FANCE: variants seen among roughly 807,000 people sequenced by gnomAD.
FANCE encodes the protein Fanconi anemia group E protein.
In FANCE, 42 loss-of-function variants were observed where a neutral mutation model predicts 57.8. That is an observed-to-expected ratio of 0.73 (90% CI 0.57 to 0.94). The LOEUF is 0.94. Ranked by LOEUF, FANCE falls within the 40% of genes least tolerant of loss-of-function variation. The probability of loss-of-function intolerance (pLI) is 0.00; values close to 1 mark genes in which losing one functional copy is unlikely to be tolerated. For synonymous variants in FANCE, 251 were observed against 286.4 expected, an observed-to-expected ratio of 0.88 and a Z score of 1.25; for missense variants, 608 against 661.8, an observed-to-expected ratio of 0.92 and a Z score of 0.89.
Position 35,452,767 on chromosome 6 carries a change from G to A in FANCE, c.222G>A (p.Val74=). Residue 74 remains valine, a synonymous_variant, in exon 1 of 10, where the codon GTG becomes GTA. Transcript: ENST00000229769. ...LEALCREEPV[V]QGPDGRLELK... ...CCCTGTGCCGGGAGGAGCCGGTCGTGCAGGGGCCTGACGGCCGTCTGGAGC... is the reference window on the plus strand; with the variant it reads ...CCCTGTGCCGGGAGGAGCCGGTCGTACAGGGGCCTGACGGCCGTCTGGAGC... The A allele has an allele frequency of 1.5e-6, 2 of 1,291,626 alleles. No individual in the cohort carries two copies. Among genetic ancestry groups the A allele is most frequent in the Non-Finnish European group, 2.0e-6 (2 of 1,015,330 alleles). The allele number at this position is 1,291,626 out of a possible 1,614,324, so 80.0% of individuals were successfully genotyped here. A position where few individuals can be genotyped will look rare whatever the true frequency, so the allele number is the denominator to read the frequency against.
chr6:35,456,662 G>C lies in FANCE; in HGVS notation c.855+309G>C, dbSNP rs1198759548. ...CCTGAGTAGCTGGGATTATAGGCAT[G>C]CGCCACCACGCCCAGCTAATTTTGT... On this transcript the variant is annotated intron_variant, in intron 2 of 9. Transcript: ENST00000229769. This position sits in a 1 kb window ranked among gnomAD's most constrained non-coding sequence, Gnocchi z 4.3. 7.9e-5 allele frequency among the ~76,000 whole-genome samples: 12 copies of C among 152,176 alleles called. No individual in the cohort carries two copies.
chr6:35,461,391 A>G (rs1459939287), intron 8 of FANCE, among the ~76,000 whole-genome samples: 1 of 152,120 alleles, frequency 6.6e-6, no homozygotes, highest in Non-Finnish European at 1.5e-5. Flanking sequence ...TCTCTTCCCT[A>G]ACCATCCAGA....
At position 35,457,957 on chromosome 6, in the gene FANCE, G is replaced by A; in HGVS notation, c.942G>A (p.Gln314=). 6.2e-7 allele frequency: 1 copy of A among 1,614,168 alleles called. No homozygotes were observed. Among genetic ancestry groups the A allele is most frequent in the Non-Finnish European group, 8.5e-7 (1 of 1,180,026 alleles). Residue 314 remains glutamine (Q), a synonymous_variant, in exon 4 of 10, where the codon CAG becomes CAA. Coordinates refer to ENST00000229769, the MANE Select transcript of FANCE (RefSeq NM_021922.3). Reference sequence around the variant, plus strand: ...AGGATGCCCCCCCAGTTGAGCTACAGCTTCTTCACGAATGTAGTCCCAGCC... The same window carrying A: ...AGGATGCCCCCCCAGTTGAGCTACAACTTCTTCACGAATGTAGTCCCAGCC... ...GLEDAPPVEL[Q]LLHECSPSQM...
At chr6:35,457,483 G>T in intron 2 of FANCE, 73 bp from the exon 3 acceptor site, 14 of 1,553,344 alleles carry the variant, frequency 9.0e-6, no homozygotes, top group Non-Finnish European at 1.2e-5. Context: ...TTTTCAGTAG[G>T]GGGAGCCAGA....
intron 9 of FANCE, among the ~76,000 whole-genome samples, chr6:35,464,338 C>T (rs917283275): frequency 6.0e-5 from 9 of 149,306 alleles, no homozygotes; most frequent in South Asian, 2.1e-4. Context: ...CCCGGGTTCA[C>T]GCCATTCTCC....
rs1411604642 is a variant in FANCE at position 35,452,525 on chromosome 6, G to A, written c.-21G>A. The A allele has an allele frequency of 1.6e-6, 2 of 1,286,774 alleles. No homozygotes were observed. The highest frequency in any genetic ancestry group is 2.0e-6 in the Non-Finnish European group (2 of 1,014,922). 79.7% of individuals were successfully genotyped at this position (1,286,774 alleles called of 1,614,324 possible). On this transcript the variant is annotated 5_prime_UTR_variant, in exon 1 of 10. Coordinates refer to ENST00000229769, the MANE Select transcript of FANCE (RefSeq NM_021922.3). ...AGGCCCCACACCAGAGTAGGGGGCG[G>A]CGCGGCACCCGTGCCCCGGCATGGC... is the stretch of plus-strand genomic sequence containing the variant.
In FANCE at chr6:35,452,538, GC is replaced by G. The variant is rs1489441729; in HGVS notation, c.-4del. The G allele has an allele frequency of 7.7e-7, 1 of 1,306,404 alleles. No individual in the cohort carries two copies. Among genetic ancestry groups the G allele is most frequent in the Non-Finnish European group, 9.8e-7 (1 of 1,024,588 alleles). The allele number at this position is 1,306,404 out of a possible 1,614,324, so 80.9% of individuals were successfully genotyped here. A position where few individuals can be genotyped will look rare whatever the true frequency, so the allele number is the denominator to read the frequency against. On this transcript the variant is annotated 5_prime_UTR_variant, in exon 1 of 10. Transcript: ENST00000229769. The stretch of plus-strand genomic sequence containing the variant: ...GAGTAGGGGGCGGCGCGGCACCCGT[GC>G]CCCGGCATGGCGACACCGGACGCGG...
In FANCE at chr6:35,457,550, C is replaced by T. The variant is rs1354162007; in HGVS notation, c.856-6C>T. 6.2e-7 allele frequency: 1 copy of T among 1,613,648 alleles called. No homozygotes were observed. Among genetic ancestry groups the T allele is most frequent in the African/African-American group, 1.3e-5 (1 of 74,908 alleles). ...GACGTAGCAGTGACTGGGCTCTCCT[C>T]CACAGGACCAGCTTCCCAGGCTGCA... On this transcript the variant is annotated splice_polypyrimidine_tract_variant and splice_region_variant and intron_variant, in intron 2 of 9. Coordinates refer to ENST00000229769, the MANE Select transcript of FANCE (RefSeq NM_021922.3).
At position 35,452,808 on chromosome 6, in the gene FANCE, G is replaced by A; in HGVS notation, c.248+15G>A. ...CGTCTGGAGCTGTAAGTCCTCGCCCGCGGCCCCTTAGCAGGTATGGGAGGC... is the reference window on the plus strand; with the variant it reads ...CGTCTGGAGCTGTAAGTCCTCGCCCACGGCCCCTTAGCAGGTATGGGAGGC... On this transcript the variant is annotated intron_variant, in intron 1 of 9. Coordinates refer to ENST00000229769, the MANE Select transcript of FANCE (RefSeq NM_021922.3). 2 of 1,306,954 alleles carry A rather than the reference G, an allele frequency of 1.5e-6. No individual in the cohort carries two copies. The highest frequency in any genetic ancestry group is 3.4e-5 in the Admixed American group (1 of 29,840). 81.0% of individuals were successfully genotyped at this position (1,306,954 alleles called of 1,614,324 possible). A position where few individuals can be genotyped will look rare whatever the true frequency, so the allele number is the denominator to read the frequency against.
At position 35,457,779 on chromosome 6, in the gene FANCE, C is replaced by G. The variant is rs549831947; in HGVS notation, c.901-137C>G. ...CTTGAACCAAGTGTAGACTTACCAT[C>G]TAACCCCAGGTAACTTCCTCTTCTC... On this transcript the variant is annotated intron_variant, in intron 3 of 9. Coordinates refer to ENST00000229769, the MANE Select transcript of FANCE (RefSeq NM_021922.3). 6.9e-6 allele frequency: 7 copies of G among 1,018,076 alleles called. No individual in the cohort carries two copies. In the East Asian group the frequency reaches 1.5e-4, roughly 21 times the overall value. The allele number at this position is 1,018,076 out of a possible 1,614,324, so 63.1% of individuals were successfully genotyped here. A position where few individuals can be genotyped will look rare whatever the true frequency, so the allele number is the denominator to read the frequency against.
intron 8 of FANCE, among the ~76,000 whole-genome samples, chr6:35,462,431 G>T (rs533519381): frequency 2.6e-5 from 4 of 152,260 alleles, no homozygotes; most frequent in Admixed American, 2.0e-4. Flanking sequence ...AAAGAGACAG[G>T]TGATTAAGGT....
Position 35,452,440 on chromosome 6 carries a change from C to T in FANCE, c.-106C>T, listed in dbSNP as rs1476086120. ...GCTTGTAACAGGCGCTGGAGCTGGCCCGCCACCGCCGCGTCAGGGACGGCG... is the reference window on the plus strand; with the variant it reads ...GCTTGTAACAGGCGCTGGAGCTGGCTCGCCACCGCCGCGTCAGGGACGGCG... On this transcript the variant is annotated 5_prime_UTR_variant, in exon 1 of 10. Coordinates refer to ENST00000229769, the MANE Select transcript of FANCE (RefSeq NM_021922.3). 1.2e-5 allele frequency: 13 copies of T among 1,127,938 alleles called. No individual in the cohort carries two copies. The highest frequency in any genetic ancestry group is 1.4e-5 in the Non-Finnish European group (13 of 902,534). 69.9% of individuals were successfully genotyped at this position (1,127,938 alleles called of 1,614,324 possible). A position where few individuals can be genotyped will look rare whatever the true frequency, so the allele number is the denominator to read the frequency against.
intron 8 of FANCE, 114 bp from the exon 9 acceptor site, chr6:35,462,675 T>A: frequency 7.0e-7 from 1 of 1,438,256 alleles, no homozygotes; most frequent in Non-Finnish European, 9.6e-7. Context: ...TTAAGTTACC[T>A]GCCCAGGGTC....
chr6:35,452,561 G>A lies in FANCE; in HGVS notation c.16G>A (p.Ala6Thr), dbSNP rs765850627. 2.3e-6 allele frequency: 3 copies of A among 1,329,856 alleles called. No homozygotes were observed. The highest frequency in any genetic ancestry group is 4.2e-5 in the South Asian group (2 of 47,904). The allele number at this position is 1,329,856 out of a possible 1,614,324, so 82.4% of individuals were successfully genotyped here. A position where few individuals can be genotyped will look rare whatever the true frequency, so the allele number is the denominator to read the frequency against. The change falls in exon 1 of 10, where the codon GCG (alanine) becomes ACG (threonine). Residue 6 changes from alanine (A) to threonine (T), a missense_variant. Transcript: ENST00000229769. Reference sequence around the variant, plus strand: ...GTGCCCCGGCATGGCGACACCGGACGCGGGGCTCCCTGGGGCTGAGGGCGT... The same window carrying A: ...GTGCCCCGGCATGGCGACACCGGACACGGGGCTCCCTGGGGCTGAGGGCGT... MATPD[A>T]GLPGAEGVEP...
At chr6:35,453,665 T>A (rs1275026709) in intron 1 of FANCE, among the ~76,000 whole-genome samples, 1 of 152,232 alleles carries the variant, frequency 6.6e-6, no homozygotes, top group African/African-American at 2.4e-5. Flanking sequence ...AATGCTTAAT[T>A]TCTTATGTTT....
At chr6:35,460,697 A>G (rs1427928411) in intron 8 of FANCE, 79 bp downstream of exon 8, 1 of 1,312,698 alleles carries the variant, frequency 7.6e-7, no homozygotes, top group Non-Finnish European at 1.1e-6. Flanking sequence ...TGGGTTTCTG[A>G]GTCCTTCAGT....
intron 2 of FANCE, 144 bp from the exon 3 acceptor site, chr6:35,457,412 C>T (rs918000245): frequency 5.2e-5 from 43 of 820,618 alleles, no homozygotes; most frequent in Admixed American, 1.6e-4. Context: ...TGAGCCACCG[C>T]GCTTGGCCTC....
intron 8 of FANCE, among the ~76,000 whole-genome samples, chr6:35,462,583 ATC>A (rs752999341): frequency 6.6e-6 from 1 of 152,102 alleles, no homozygotes; most frequent in Non-Finnish European, 1.5e-5. Context: ...TATGTGCATT[ATC>A]TCATTTAATC....
In FANCE at chr6:35,456,036, T is replaced by TC; in HGVS notation, c.544dup (p.Gln182ProfsTer6). The TC allele has an allele frequency of 6.2e-7, 1 of 1,611,508 alleles. No homozygotes were observed. Among genetic ancestry groups the TC allele is most frequent in the Non-Finnish European group, 8.5e-7 (1 of 1,179,206 alleles). ...GGGCCTGGGGGGCAGGAGGTTGAAA[T>TC]CCCCCCAGGCTCCAGACCCTGAAGA... is the stretch of plus-strand genomic sequence containing the variant. On this transcript the variant is annotated frameshift_variant, in exon 2 of 10. Transcript: ENST00000229769. LOFTEE classifies it high-confidence loss of function. The surrounding 1 kb of genome is among the most constrained non-coding windows in gnomAD (Gnocchi z 4.3).
Sources: gnomAD v4.1 joint callset for allele counts (sites outside exome capture counted in the v4.1 genomes callset) on GRCh38, gnomAD v4.1.1 for gene constraint, Gnocchi (gnomAD v3.1) non-coding constraint, MANE v1.5 for transcripts, NCBI Gene and HGNC (gene_info 2026-07-23, HGNC 2026-07-21) for gene names.